Variants in SLC29A4 observed in about 807,000 individuals in gnomAD.
The protein encoded by SLC29A4 is equilibrative nucleoside transporter 4.
In SLC29A4, 36 loss-of-function variants were observed where a neutral mutation model predicts 43.9. The ratio of observed to expected loss-of-function variants is 0.82; its 90% confidence interval spans 0.63 to 1.08. The LOEUF is 1.08. Ranked by LOEUF, SLC29A4 falls within the 50% of genes least tolerant of loss-of-function variation. The pLI, the probability that SLC29A4 is intolerant of heterozygous loss-of-function variation, is 0.00. For missense variants in SLC29A4, 869 were observed against 755.3 expected (o/e 1.15, Z -1.77); for synonymous variants, 491 against 338.0 (o/e 1.45, Z -4.97).
chr7:5,292,969 T>G (rs917762951), intron 5 of SLC29A4, among the ~76,000 whole-genome samples: 84 of 150,974 alleles, frequency 5.6e-4, no homozygotes, highest in Middle Eastern at 3.4e-3. Context: ...AAAGTGCTGG[T>G]ATTACAGGCG....
chr7:5,298,433 GT>G (rs1785869393), intron 7 of SLC29A4, among the ~76,000 whole-genome samples: 1 of 152,188 alleles, frequency 6.6e-6, no homozygotes, highest in African/African-American at 2.4e-5. Flanking sequence ...AGATGCTCTG[GT>G]TGGTTTGGTC....
At chr7:5,297,751 G>A (rs912639175) in intron 7 of SLC29A4, among the ~76,000 whole-genome samples, 15 of 152,174 alleles carry the variant, frequency 9.9e-5, no homozygotes, top group African/African-American at 3.6e-4. Flanking sequence ...CACAGAAGTC[G>A]CCAGCCAGGA....
rs775483906 is a variant in SLC29A4, at chr7:5,290,720, C to G, written c.170-12C>G. ...GAGCGTGCCCCGTCTCACCTGGTGTCTCTGGCTTTAGCATTGGACGAGCCA... is the reference window on the plus strand; with the variant it reads ...GAGCGTGCCCCGTCTCACCTGGTGTGTCTGGCTTTAGCATTGGACGAGCCA... On this transcript the variant is annotated splice_polypyrimidine_tract_variant and intron_variant, in intron 2 of 10. Coordinates refer to ENST00000396872, the MANE Select transcript of SLC29A4 (RefSeq NM_153247.4). The G allele has an allele frequency of 1.2e-6, 2 of 1,602,526 alleles. No individual in the cohort carries two copies. The highest frequency in any genetic ancestry group is 1.1e-5 in the South Asian group (1 of 89,980).
In SLC29A4 at chr7:5,303,796, AG is replaced by A. The variant is rs1786337831; in HGVS notation, c.*860del. On this transcript the variant is annotated 3_prime_UTR_variant, in exon 11 of 11. Coordinates refer to ENST00000396872, the MANE Select transcript of SLC29A4 (RefSeq NM_153247.4). Reference sequence around the variant, plus strand: ...TCCAGCAAGGGACTCGACAGACCCAAGGGTCCCTGGAACGTAGGGAGGGGCT... The same window carrying A: ...TCCAGCAAGGGACTCGACAGACCCAAGGTCCCTGGAACGTAGGGAGGGGCT... 6.6e-6 allele frequency: 1 copy of A among 152,242 alleles called. No homozygotes were observed. 9.4% of individuals were successfully genotyped at this position (152,242 alleles called of 1,614,324 possible).
intron 10 of SLC29A4, among the ~76,000 whole-genome samples, chr7:5,301,090 C>G (rs553083885): frequency 2.6e-5 from 4 of 152,034 alleles, no homozygotes; most frequent in Admixed American, 6.6e-5. Flanking sequence ...GAGAGCCTCT[C>G]CTCTCTACAA....
Position 5,305,960 on chromosome 7 carries a change from C to G in SLC29A4, c.*3021C>G, listed in dbSNP as rs373354140. On this transcript the variant is annotated 3_prime_UTR_variant, in exon 11 of 11. Coordinates refer to ENST00000396872, the MANE Select transcript of SLC29A4 (RefSeq NM_153247.4). The stretch of plus-strand genomic sequence containing the variant: ...GCCGTGGGTTCAAGCGATTCTCCTG[C>G]CTCAGCCTCCCAAGTAGCTGGGATT... 3 of 152,194 alleles carry G rather than the reference C, an allele frequency of 2.0e-5. No homozygotes were observed. The highest frequency in any genetic ancestry group is 3.2e-3 in the Middle Eastern group (1 of 316). 9.4% of individuals were successfully genotyped at this position (152,194 alleles called of 1,614,324 possible).
In SLC29A4 at chr7:5,299,400, G is replaced by A. The variant is rs1243071297; in HGVS notation, c.1182G>A (p.Val394=). Residue 394 remains valine, a synonymous_variant, in exon 9 of 11, where the codon GTG becomes GTA. Coordinates refer to ENST00000396872, the MANE Select transcript of SLC29A4 (RefSeq NM_153247.4). ...GGCTGCCCATCCTCATCATGGCTGT[G>A]TTCAACCTGTCAGACTTCGTGGGCA... is the stretch of plus-strand genomic sequence containing the variant. ...GEWLPILIMA[V]FNLSDFVGKI... The A allele has an allele frequency of 6.2e-7, 1 of 1,612,162 alleles. No homozygotes were observed. The highest frequency in any genetic ancestry group is 1.1e-5 in the South Asian group (1 of 90,974).
At chr7:5,299,180 G>A (rs1562454062) in intron 8 of SLC29A4, 54 bp downstream of exon 8, 1 of 1,598,500 alleles carries the variant, frequency 6.3e-7, no homozygotes, top group Non-Finnish European at 8.5e-7. Flanking sequence ...GCAGGGGGTG[G>A]GGGAGGCAGG....
At chr7:5,294,838 G>T (rs4724524) in intron 5 of SLC29A4, 22 bp from the exon 6 acceptor site, 855,190 of 1,604,908 alleles carry the variant, frequency 0.53, 234,789 homozygotes, top group East Asian at 0.78. Context: ...CCTCTGGGTT[G>T]TTCCTCTCTC....
intron 1 of SLC29A4, among the ~76,000 whole-genome samples, chr7:5,287,049 C>T (rs374400262): frequency 1.3e-5 from 2 of 152,206 alleles, no homozygotes; most frequent in Non-Finnish European, 2.9e-5. Flanking sequence ...CTCCCCGGGA[C>T]AGCAGTCTCT....
rs371408782 is a variant in SLC29A4, at chr7:5,294,912, G to A, written c.597G>A (p.Thr199=). ...CGGGGATGCTGCCCAAGCGGTACAC[G>A]CAGGGGGTGATGACCGGGGAGAGTG... ...GYTGMLPKRY[T]QGVMTGESTA... Residue 199 remains threonine (T), a synonymous_variant, in exon 6 of 11, where the codon ACG becomes ACA. Transcript: ENST00000396872. The A allele has an allele frequency of 9.3e-6, 15 of 1,609,550 alleles. No individual in the cohort carries two copies. Among genetic ancestry groups the A allele is most frequent in the African/African-American group, 2.7e-5 (2 of 74,748 alleles).
At position 5,290,870 on chromosome 7, in the gene SLC29A4, C is replaced by T. The variant is rs765844157; in HGVS notation, c.301+7C>T. On this transcript the variant is annotated splice_region_variant and intron_variant, in intron 3 of 10. Coordinates refer to ENST00000396872, the MANE Select transcript of SLC29A4 (RefSeq NM_153247.4). ...CTGCATCACAAGTACCCAGGTGGGT[C>T]CCTCCACGGTCACGCCCAGCCACTC... is the stretch of plus-strand genomic sequence containing the variant. 37 of 1,606,990 alleles carry T rather than the reference C, an allele frequency of 2.3e-5. No homozygotes were observed. The highest frequency in any genetic ancestry group is 2.9e-5 in the Non-Finnish European group (34 of 1,176,182).
At chr7:5,302,584 G>C (rs980929367) in intron 10 of SLC29A4, among the ~76,000 whole-genome samples, 48 of 152,232 alleles carry the variant, frequency 3.2e-4, no homozygotes, top group African/African-American at 1.1e-3. Flanking sequence ...AGAGAAGGCA[G>C]GCAAGGCCTG....
intron 4 of SLC29A4, 134 bp from the exon 5 acceptor site, chr7:5,291,559 G>A (rs373643037): frequency 1.7e-4 from 216 of 1,260,260 alleles, no homozygotes; most frequent in Non-Finnish European, 2.0e-4. Context: ...TGTTAGACTC[G>A]TAAAGCATCC....
At chr7:5,286,312 C>G (rs998833037) in intron 1 of SLC29A4, among the ~76,000 whole-genome samples, 17 of 152,128 alleles carry the variant, frequency 1.1e-4, no homozygotes, top group African/African-American at 3.6e-4. Flanking sequence ...ATCACAAGGT[C>G]AAGAGGTCGA....
Position 5,300,457 on chromosome 7 carries a change from C to T in SLC29A4, c.1245C>T (p.Thr415=). 1.2e-6 allele frequency: 2 copies of T among 1,611,350 alleles called. No homozygotes were observed. Among genetic ancestry groups the T allele is most frequent in the Non-Finnish European group, 1.7e-6 (2 of 1,179,734 alleles). ...LAALPVDWRG[T]HLLACSCLRV... ...CCCTGCCCGTGGACTGGCGGGGCACCCACCTGCTGGCCTGCTCCTGCCTGC... is the reference window on the plus strand; with the variant it reads ...CCCTGCCCGTGGACTGGCGGGGCACTCACCTGCTGGCCTGCTCCTGCCTGC... The change falls in exon 10 of 11, where the codon ACC becomes ACT. Residue 415 remains threonine (T), a synonymous_variant. Coordinates refer to ENST00000396872, the MANE Select transcript of SLC29A4 (RefSeq NM_153247.4).
chr7:5,299,522 A>T, intron 9 of SLC29A4, 95 bp downstream of exon 9: 1 of 1,316,830 alleles, frequency 7.6e-7, no homozygotes, highest in Admixed American at 2.3e-5. Context: ...TGAGTGAAGG[A>T]TGCATGTGGC....
rs537966809 is a variant in SLC29A4, at chr7:5,296,326, G to A, written c.620-610G>A. Among the ~76,000 whole-genome samples the A allele has an allele frequency of 5.3e-5, 8 of 151,340 alleles. No individual in the cohort carries two copies. The East Asian group carries it at 1.4e-3, about 26-fold the overall frequency. The stretch of plus-strand genomic sequence containing the variant: ...CCGTGTGTCATCGTGGCCCTACTGC[G>A]TCCTCAGAGCAGGAGGGTGCAGCGA... On this transcript the variant is annotated intron_variant, in intron 6 of 10. Transcript: ENST00000396872.
chr7:5,294,804 C>A (rs766388002), intron 5 of SLC29A4, 56 bp from the exon 6 acceptor site: 5 of 1,578,458 alleles, frequency 3.2e-6, no homozygotes, highest in South Asian at 1.1e-5. Context: ...TGCATTTCTC[C>A]CAAGTTGACA....
Sources: allele counts gnomAD v4.1 joint callset (sites outside exome capture counted in the v4.1 genomes callset), GRCh38; gene constraint gnomAD v4.1.1; transcripts MANE v1.5; gene names NCBI Gene and HGNC (gene_info 2026-07-23, HGNC 2026-07-21).